The following TESK2 variants were observed in gnomAD, a reference collection of about 807,000 sequenced individuals.
The protein encoded by TESK2 is dual specificity testis-specific protein kinase 2.
Under a neutral mutation model 57.1 loss-of-function variants are expected in TESK2, and 39 were observed. That is an observed-to-expected ratio of 0.68 (90% CI 0.53 to 0.89). The LOEUF (loss-of-function observed/expected upper bound fraction) is 0.89, where lower values mean the gene tolerates loss of function less well. Among genes scored for constraint, TESK2 ranks in the 40% least tolerant of loss-of-function variants. The pLI, the probability that TESK2 is intolerant of heterozygous loss-of-function variation, is 0.00. For synonymous variants in TESK2, 249 were observed against 267.9 expected, an observed-to-expected ratio of 0.93 and a Z score of 0.69; for missense variants, 646 against 732.1, an observed-to-expected ratio of 0.88 and a Z score of 1.36.
chr1:45,347,873 C>T (rs762676692), intron 6 of TESK2, 45 bp downstream of exon 6: 3 of 1,533,444 alleles, frequency 2.0e-6, no homozygotes, highest in Admixed American at 3.3e-5. Flanking sequence ...CCCTTAGCTT[C>T]AGCCCCCTGT....
chr1:45,393,705 C>A (rs1339750454), intron 3 of TESK2, among the ~76,000 whole-genome samples: 1 of 145,836 alleles, frequency 6.9e-6, no homozygotes, highest in African/African-American at 2.6e-5. Context: ...TGTGCCACTG[C>A]ACTTCAGCCT....
chr1:45,471,571 A>T (rs1348524208), intron 1 of TESK2, among the ~76,000 whole-genome samples: 1 of 151,622 alleles, frequency 6.6e-6, no homozygotes, highest in Admixed American at 6.6e-5. Context: ...ATGCCCAGAT[A>T]ATTTTTTTGT....
In TESK2 at chr1:45,467,786, G is replaced by A. The variant is rs558360537; in HGVS notation, c.-86-9915C>T. Among the ~76,000 whole-genome samples the A allele has an allele frequency of 6.8e-4, 103 of 152,094 alleles. 1 individual carries two copies. Among genetic ancestry groups the A allele is most frequent in the African/African-American group, 2.0e-3 (85 of 41,492 alleles). ...ACTTTTATTCTGCTAAATTTCCACC[G>A]TAGTTTTTAGTCCTAGGAATATATA... is the stretch of plus-strand genomic sequence containing the variant. On this transcript the variant is annotated intron_variant, in intron 1 of 10. Coordinates refer to ENST00000372086, the MANE Select transcript of TESK2 (RefSeq NM_007170.3).
chr1:45,425,871 G>T (rs12046816), intron 2 of TESK2, among the ~76,000 whole-genome samples: 39,286 of 151,888 alleles, frequency 0.26, 5,215 homozygotes, highest in East Asian at 0.36. Context: ...TGGGCCGGGT[G>T]CAGTAGCTTA....
chr1:45,423,362 C>T (rs888959839), intron 2 of TESK2, among the ~76,000 whole-genome samples: 1 of 152,012 alleles, frequency 6.6e-6, no homozygotes, highest in Non-Finnish European at 1.5e-5. Context: ...TCGAGACCAG[C>T]CTGGCTAACA....
chr1:45,357,263 G>A (rs577049319), intron 4 of TESK2, among the ~76,000 whole-genome samples: 2 of 151,706 alleles, frequency 1.3e-5, no homozygotes, highest in Non-Finnish European at 2.9e-5. Flanking sequence ...ATGTATGTAT[G>A]TTCAGAAGGA....
intron 4 of TESK2, among the ~76,000 whole-genome samples, chr1:45,359,794 G>A (rs1008750948): frequency 6.6e-6 from 1 of 152,086 alleles, no homozygotes; most frequent in East Asian, 1.9e-4. Flanking sequence ...AACCTTGGAG[G>A]CAGAGGTTGC....
chr1:45,436,280 G>A (rs1651218580), intron 2 of TESK2, among the ~76,000 whole-genome samples: 1 of 132,612 alleles, frequency 7.5e-6, no homozygotes, highest in Non-Finnish European at 1.5e-5. Context: ...CACCTCCCAG[G>A]CTCAAGCGAT....
intron 2 of TESK2, among the ~76,000 whole-genome samples, chr1:45,427,234 C>CAAAA (rs111269135): frequency 3.9e-5 from 5 of 129,500 alleles, no homozygotes; most frequent in Non-Finnish European, 6.3e-5. Flanking sequence ...GACTCTGTCT[C>CAAAA]AAAAAAAAAA....
intron 3 of TESK2, among the ~76,000 whole-genome samples, chr1:45,418,999 G>C (rs912504256): frequency 1.4e-5 from 2 of 143,536 alleles, no homozygotes; most frequent in Admixed American, 6.9e-5. Flanking sequence ...TTTTTTTTGA[G>C]ACAGAGTCTT....
intron 4 of TESK2, chr1:45,385,305 C>G: frequency 1.0e-6 from 1 of 985,048 alleles, no homozygotes; most frequent in Non-Finnish European, 1.2e-6. Flanking sequence ...TGAATTGGCT[C>G]TAAAGAGAGT....
At chr1:45,349,167 C>G (rs1313843239) in intron 5 of TESK2, among the ~76,000 whole-genome samples, 1 of 151,170 alleles carries the variant, frequency 6.6e-6, no homozygotes, top group Non-Finnish European at 1.5e-5. Context: ...GTTGCTAAGA[C>G]ATGCCAAGTC....
chr1:45,372,834 C>T (rs1357309836), intron 4 of TESK2, among the ~76,000 whole-genome samples: 1 of 151,274 alleles, frequency 6.6e-6, no homozygotes, highest in Non-Finnish European at 1.5e-5. Context: ...GAGTTCGAGA[C>T]CAGCCTCAAC....
chr1:45,366,241 C>G (rs529701431), intron 4 of TESK2, among the ~76,000 whole-genome samples: 6 of 152,100 alleles, frequency 3.9e-5, no homozygotes, highest in Non-Finnish European at 8.8e-5. Flanking sequence ...CATGGACCAC[C>G]AGACCTGGCT....
chr1:45,369,854 G>A (rs569257941), intron 4 of TESK2, among the ~76,000 whole-genome samples: 5 of 152,102 alleles, frequency 3.3e-5, no homozygotes, highest in African/African-American at 9.6e-5. Flanking sequence ...TGGGATTAAA[G>A]GTGCGCACCA....
chr1:45,403,526 C>A (rs1039524829), intron 3 of TESK2, among the ~76,000 whole-genome samples: 1 of 152,172 alleles, frequency 6.6e-6, no homozygotes, highest in Non-Finnish European at 1.5e-5. Context: ...CTCGCTTTCT[C>A]CTTTTTGTCT....
Position 45,345,267 on chromosome 1 carries a change from A to G in TESK2, c.1289T>C (p.Leu430Pro). ...SKSVISLVFD[L>P]DAPGPGTMPL... Reference sequence around the variant, plus strand: ...CATAGTTCCGGGCCCTGGTGCATCCAGGTCAAATACCAGAGAGATGACAGA... The same window carrying G: ...CATAGTTCCGGGCCCTGGTGCATCCGGGTCAAATACCAGAGAGATGACAGA... The change falls in exon 11 of 11, where the codon CTG (leucine) becomes CCG (proline). Residue 430 changes from leucine (L) to proline (P), a missense_variant. Leu to Pro is a moderately conservative substitution (Grantham distance 98, BLOSUM62 -3). Transcript: ENST00000372086. The G allele has an allele frequency of 6.2e-7, 1 of 1,614,220 alleles. No individual in the cohort carries two copies.
intron 1 of TESK2, among the ~76,000 whole-genome samples, chr1:45,464,235 G>C (rs998765165): frequency 6.6e-6 from 1 of 151,808 alleles, no homozygotes; most frequent in Non-Finnish European, 1.5e-5. Flanking sequence ...TTTATAGCCT[G>C]GCCAACATGG....
chr1:45,345,403 G>T lies in TESK2; in HGVS notation c.1153C>A (p.Pro385Thr). ...GCACCATCTCGTGGCCGGTAGTATG[G>T]GTCCAAGACACTCACTGTACGTGGG... ...KPPRTVSVLD[P>T]YYRPRDGAAR... Residue 385 changes from proline (P) to threonine (T), a missense_variant, in exon 11 of 11, where the codon CCA (proline) becomes ACA (threonine). Physicochemically the swap from Pro to Thr is conservative, Grantham distance 38 (BLOSUM62 -1). Coordinates refer to ENST00000372086, the MANE Select transcript of TESK2 (RefSeq NM_007170.3). 1 of 1,614,038 alleles carries T rather than the reference G, an allele frequency of 6.2e-7. No individual in the cohort carries two copies. Among genetic ancestry groups the T allele is most frequent in the Middle Eastern group, 1.7e-4 (1 of 6,060 alleles).
Sources: gnomAD v4.1 joint callset for allele counts (sites outside exome capture counted in the v4.1 genomes callset) on GRCh38, gnomAD v4.1.1 for gene constraint, MANE v1.5 for transcripts, NCBI Gene and HGNC (gene_info 2026-07-23, HGNC 2026-07-21) for gene names.